The following CLVS1 variants were observed in gnomAD, a reference collection of about 807,000 sequenced individuals.
The protein encoded by CLVS1 is clavesin 1, also known as clavesin-1.
CLVS1 carries 10 observed loss-of-function variants against 33.1 expected under a neutral mutation model. That is an observed-to-expected ratio of 0.30 (90% CI 0.19 to 0.51). The LOEUF is 0.51. Ranked by LOEUF, CLVS1 falls within the 20% of genes least tolerant of loss-of-function variation. The pLI is 0.97. For missense variants in CLVS1, 343 were observed against 433.4 expected (o/e 0.79, Z 1.85); for synonymous variants, 163 against 166.1 (o/e 0.98, Z 0.14).
At chr8:61,438,082 A>C (rs1028781110) in intron 3 of CLVS1, among the ~76,000 whole-genome samples, 1 of 152,172 alleles carries the variant, frequency 6.6e-6, no homozygotes, top group African/African-American at 2.4e-5. Flanking sequence ...GGTTTGTTAC[A>C]TGGGTATATG....
At chr8:61,045,771 G>T in the CLVS1 span, among the ~76,000 whole-genome samples, 2 of 152,166 alleles carry the variant, frequency 1.3e-5, no homozygotes, top group African/African-American at 4.8e-5. Flanking sequence ...TTCCATGAAA[G>T]AACATAGTCA....
At chr8:61,011,552 G>T in the CLVS1 span, among the ~76,000 whole-genome samples, 2 of 152,060 alleles carry the variant, frequency 1.3e-5, no homozygotes, top group Non-Finnish European at 2.9e-5. Context: ...GGGTTCAAGC[G>T]ATTCCCCTGC....
intron 2 of CLVS1, among the ~76,000 whole-genome samples, chr8:61,341,782 A>G (rs895160522): frequency 2.6e-5 from 4 of 152,240 alleles, no homozygotes; most frequent in Non-Finnish European, 1.5e-5. Flanking sequence ...AGATTGGGAT[A>G]GAGCCACTGG....
At chr8:61,384,485 A>G (rs948459174) in intron 3 of CLVS1, among the ~76,000 whole-genome samples, 1 of 152,180 alleles carries the variant, frequency 6.6e-6, no homozygotes, top group Non-Finnish European at 1.5e-5. Flanking sequence ...AGATAAGGCA[A>G]TGGTTGAGGG....
chr8:61,100,489 C>T (rs1343524520), intron 1 of CLVS1, among the ~76,000 whole-genome samples: 1 of 152,168 alleles, frequency 6.6e-6, no homozygotes, highest in Admixed American at 6.5e-5. Flanking sequence ...TTTCAAGTCA[C>T]AATTTGCCTT....
intron 2 of CLVS1, among the ~76,000 whole-genome samples, chr8:61,321,975 A>T (rs531059144): frequency 6.6e-6 from 1 of 152,244 alleles, no homozygotes; most frequent in East Asian, 1.9e-4. Flanking sequence ...ATCAGTTTCT[A>T]AAACATTGTA....
chr8:61,235,472 G>A (rs1393852733), intron 2 of CLVS1, among the ~76,000 whole-genome samples: 4 of 152,190 alleles, frequency 2.6e-5, no homozygotes, highest in Admixed American at 6.5e-5. Context: ...GAACTTGAGA[G>A]GTCACATTTT....
chr8:61,047,916 C>T, the CLVS1 span, among the ~76,000 whole-genome samples: 2 of 151,646 alleles, frequency 1.3e-5, no homozygotes, highest in South Asian at 2.1e-4. Flanking sequence ...ACATTGTGCA[C>T]ATATACCCTA....
the CLVS1 span, among the ~76,000 whole-genome samples, chr8:61,019,320 C>T: frequency 1.5e-3 from 230 of 152,310 alleles, 2 homozygotes; most frequent in African/African-American, 5.2e-3. Flanking sequence ...ACCTGAGGCA[C>T]GCACACCTTT....
intron 3 of CLVS1, among the ~76,000 whole-genome samples, chr8:61,404,253 A>G (rs1814891154): frequency 6.6e-6 from 1 of 152,240 alleles, no homozygotes; most frequent in Non-Finnish European, 1.5e-5. Flanking sequence ...AACACTGTCC[A>G]GAGTATTCTG....
chr8:61,255,793 A>G (rs1321980562), intron 2 of CLVS1, among the ~76,000 whole-genome samples: 1 of 152,212 alleles, frequency 6.6e-6, no homozygotes. Context: ...TGAACCTACT[A>G]TAAGAAGTAG....
At chr8:60,976,812 G>A in the CLVS1 span, among the ~76,000 whole-genome samples, 1 of 152,192 alleles carries the variant, frequency 6.6e-6, no homozygotes, top group South Asian at 2.1e-4. Context: ...TTCCTGATGC[G>A]GCTTTCTGCC....
At chr8:61,190,016 A>G (rs1807436395) in intron 2 of CLVS1, among the ~76,000 whole-genome samples, 2 of 152,314 alleles carry the variant, frequency 1.3e-5, no homozygotes, top group South Asian at 4.1e-4. Flanking sequence ...CTCTGCACCA[A>G]GCAGATCTAA....
At chr8:61,068,533 A>G (rs559873280) in intron 1 of CLVS1, among the ~76,000 whole-genome samples, 98 of 152,080 alleles carry the variant, frequency 6.4e-4, no homozygotes, top group African/African-American at 2.2e-3. Flanking sequence ...GGAGATATTT[A>G]TAGCCTCCCC....
At chr8:61,176,501 T>C (rs1198844397) in intron 2 of CLVS1, among the ~76,000 whole-genome samples, 1 of 152,206 alleles carries the variant, frequency 6.6e-6, no homozygotes, top group African/African-American at 2.4e-5. Context: ...TCAAGTATGA[T>C]TATGATTTTT....
At chr8:61,100,819 A>G (rs1001938150) in intron 1 of CLVS1, among the ~76,000 whole-genome samples, 1 of 152,186 alleles carries the variant, frequency 6.6e-6, no homozygotes, top group African/African-American at 2.4e-5. Flanking sequence ...GACATTTAAT[A>G]TGGATAGATG....
intron 1 of CLVS1, among the ~76,000 whole-genome samples, chr8:61,090,732 T>G (rs1175607681): frequency 2.0e-5 from 3 of 152,234 alleles, no homozygotes; most frequent in African/African-American, 7.2e-5. Flanking sequence ...CTATTGTGTT[T>G]TTGGAGCATA....
chr8:61,150,350 G>A (rs1299381252), intron 2 of CLVS1, among the ~76,000 whole-genome samples: 2 of 152,164 alleles, frequency 1.3e-5, no homozygotes, highest in Admixed American at 6.5e-5. Context: ...ACTTCCCATG[G>A]TTGACCAGAC....
intron 2 of CLVS1, among the ~76,000 whole-genome samples, chr8:61,307,047 G>T (rs1810654428): frequency 6.6e-6 from 1 of 152,182 alleles, no homozygotes; most frequent in African/African-American, 2.4e-5. Context: ...CAAGATATAA[G>T]AAATGAATGG....
Sources: gnomAD v4.1 joint callset for allele counts (sites outside exome capture counted in the v4.1 genomes callset) on GRCh38, gnomAD v4.1.1 for gene constraint, MANE v1.5 for transcripts, NCBI Gene and HGNC (gene_info 2026-07-23, HGNC 2026-07-21) for gene names.